The following PTPRS variants were observed in gnomAD, a reference collection of about 807,000 sequenced individuals.
PTPRS encodes protein tyrosine phosphatase receptor type S.
Under a neutral mutation model 215.3 loss-of-function variants are expected in PTPRS, and 63 were observed. That is an observed-to-expected ratio of 0.29 (90% CI 0.24 to 0.36). The LOEUF is 0.36. PTPRS is among the 10% of genes least tolerant of loss of function. The pLI is 1.00. For synonymous variants in PTPRS, 1,404 were observed against 1,191.4 expected, an observed-to-expected ratio of 1.18 and a Z score of -3.68; for missense variants, 2,258 against 2,825.8, an observed-to-expected ratio of 0.80 and a Z score of 4.56.
At chr19:5,211,250 T>G (rs2040850558) in intron 33 of PTPRS, among the ~76,000 whole-genome samples, 1 of 152,198 alleles carries the variant, frequency 6.6e-6, no homozygotes, top group Non-Finnish European at 1.5e-5. Context: ...AGCTGTTCTG[T>G]GTACTGTAGG....
intron 5 of PTPRS, 147 bp downstream of exon 5, chr19:5,264,861 C>T (rs1220212732): frequency 1.1e-6 from 1 of 875,466 alleles, no homozygotes; most frequent in African/African-American, 1.7e-5. Flanking sequence ...AGACATTTGC[C>T]CCCACTCCCC....
chr19:5,267,319 T>C (rs970412061), intron 4 of PTPRS, among the ~76,000 whole-genome samples: 1 of 152,016 alleles, frequency 6.6e-6, no homozygotes. Context: ...GGTGATGAGG[T>C]GAGCCAGCTA....
chr19:5,267,284 C>T (rs1010840722), intron 4 of PTPRS, among the ~76,000 whole-genome samples: 9 of 152,062 alleles, frequency 5.9e-5, no homozygotes, highest in African/African-American at 1.4e-4. Context: ...GCTCCCTGAG[C>T]GGTGGGAACA....
intron 4 of PTPRS, among the ~76,000 whole-genome samples, chr19:5,269,434 G>A (rs779056203): frequency 5.3e-5 from 8 of 152,106 alleles, no homozygotes; most frequent in Non-Finnish European, 1.2e-4. Flanking sequence ...CAGAGGAGGA[G>A]GAAGGCAGGG....
Position 5,257,883 on chromosome 19 carries a change from C to A in PTPRS, c.706+134G>T, listed in dbSNP as rs2045689174. 2.8e-6 allele frequency: 2 copies of A among 711,912 alleles called. No individual in the cohort carries two copies. Among genetic ancestry groups the A allele is most frequent in the South Asian group, 3.5e-5 (2 of 56,428 alleles). The allele number at this position is 711,912 out of a possible 1,614,324, so 44.1% of individuals were successfully genotyped here. On this transcript the variant is annotated intron_variant, in intron 8 of 37. Transcript: ENST00000262963. This position sits in a 1 kb window ranked among gnomAD's most constrained non-coding sequence, Gnocchi z 4.4. ...GAGGGACGCCGCCTCGGCCAAGGTC[C>A]CACCGCGACCGGGGAGGGGCCTTCC...
intron 2 of PTPRS, among the ~76,000 whole-genome samples, chr19:5,283,134 A>G (rs1339067971): frequency 6.6e-6 from 1 of 152,236 alleles, no homozygotes; most frequent in Non-Finnish European, 1.5e-5. Context: ...ATCCAGTGCC[A>G]GAGCTGGTGA....
chr19:5,320,237 G>A (rs1212673029), intron 1 of PTPRS, among the ~76,000 whole-genome samples: 3 of 152,166 alleles, frequency 2.0e-5, no homozygotes, highest in Non-Finnish European at 2.9e-5. Flanking sequence ...AAGCAGGGGC[G>A]GCAGCCAGTG....
At chr19:5,243,815 A>G in intron 11 of PTPRS, 86 bp downstream of exon 11, 1 of 1,239,784 alleles carries the variant, frequency 8.1e-7, no homozygotes, top group Non-Finnish European at 1.1e-6. Context: ...TGCATAACCC[A>G]CAAACCGCTC....
intron 1 of PTPRS, among the ~76,000 whole-genome samples, chr19:5,296,709 A>G (rs1478839501): frequency 1.7e-5 from 2 of 114,950 alleles, no homozygotes; most frequent in Admixed American, 8.7e-5. Flanking sequence ...AAGGGGAGAC[A>G]AAGAGGAGGG....
At position 5,240,317 on chromosome 19, in the gene PTPRS, A is replaced by G. The variant is rs1490005099; in HGVS notation, c.1586T>C (p.Met529Thr). Residue 529 changes from methionine to threonine, a missense_variant, in exon 12 of 38, where the codon ATG (methionine) becomes ACG (threonine). Met to Thr is a moderately conservative substitution (Grantham distance 81). Transcript: ENST00000262963. The stretch of plus-strand genomic sequence containing the variant: ...CGACCTGGCCTCGGCCCGCAGGTTC[A>G]TGGGCTGGCCCGGCACTGTGGGGGT... The part of the protein sequence containing the change: ...KTQQGVPGQP[M>T]NLRAEARSET... 2 of 1,603,272 alleles carry G rather than the reference A, an allele frequency of 1.2e-6. No homozygotes were observed. The highest frequency in any genetic ancestry group is 1.7e-5 in the Admixed American group (1 of 58,744).
At chr19:5,334,203 AT>A (rs2050419622) in intron 1 of PTPRS, among the ~76,000 whole-genome samples, 1 of 152,246 alleles carries the variant, frequency 6.6e-6, no homozygotes, top group African/African-American at 2.4e-5. Flanking sequence ...TGGCTGAGTC[AT>A]CCTGACATCT....
intron 9 of PTPRS, among the ~76,000 whole-genome samples, chr19:5,250,754 G>A (rs1039925394): frequency 3.3e-5 from 5 of 151,192 alleles, no homozygotes; most frequent in East Asian, 2.0e-4. Context: ...ACCAGGAGAC[G>A]ACCCCTCCCC....
At chr19:5,242,527 C>G (rs527699741) in intron 11 of PTPRS, among the ~76,000 whole-genome samples, 1 of 150,550 alleles carries the variant, frequency 6.6e-6, no homozygotes, top group East Asian at 2.0e-4. Context: ...GCCACCACGA[C>G]TGGCTAATTT....
At chr19:5,265,243 A>G (rs780062096) in intron 4 of PTPRS, 47 bp from the exon 5 acceptor site, 1 of 1,548,554 alleles carries the variant, frequency 6.5e-7, no homozygotes, top group African/African-American at 1.4e-5. Flanking sequence ...TGAGCACTGC[A>G]CAGCCACTCC....
At chr19:5,216,611 G>T in intron 26 of PTPRS, 109 bp downstream of exon 26, 1 of 965,782 alleles carries the variant, frequency 1.0e-6, no homozygotes, top group Non-Finnish European at 1.6e-6. Context: ...GGCAAAGGCC[G>T]GTGATGGGTG....
chr19:5,327,173 T>C (rs889705512), intron 1 of PTPRS, among the ~76,000 whole-genome samples: 2 of 152,140 alleles, frequency 1.3e-5, no homozygotes, highest in African/African-American at 4.8e-5. Context: ...CGCACTGCAG[T>C]GGGCACACTC....
intron 25 of PTPRS, among the ~76,000 whole-genome samples, chr19:5,217,363 G>T (rs1257964191): frequency 6.6e-6 from 1 of 152,146 alleles, no homozygotes; most frequent in African/African-American, 2.4e-5. Context: ...TTCTCATTTG[G>T]CTGAAAAACC....
chr19:5,318,878 C>T (rs2049950521), intron 1 of PTPRS, among the ~76,000 whole-genome samples: 1 of 152,162 alleles, frequency 6.6e-6, no homozygotes, highest in South Asian at 2.1e-4. Flanking sequence ...GCACCCTATT[C>T]CCCTTGAATT....
In PTPRS at chr19:5,206,609, G is replaced by C. The variant is rs1006696743; in HGVS notation, c.*165C>G. On this transcript the variant is annotated 3_prime_UTR_variant, in exon 38 of 38. Coordinates refer to ENST00000262963, the MANE Select transcript of PTPRS (RefSeq NM_002850.4). ...TCGCTGGGGCGGCCGGGGCCGGTGG[G>C]GGGGCTCGAGGGGCTGCGTCGTCCT... is the stretch of plus-strand genomic sequence containing the variant. The C allele has an allele frequency of 3.6e-5, 21 of 581,456 alleles. No homozygotes were observed. Among genetic ancestry groups the C allele is most frequent in the Admixed American group, 6.5e-5 (2 of 30,926 alleles). 36.0% of individuals were successfully genotyped at this position (581,456 alleles called of 1,614,324 possible).
Sources: gnomAD v4.1 joint callset for allele counts (sites outside exome capture counted in the v4.1 genomes callset) on GRCh38, gnomAD v4.1.1 for gene constraint, Gnocchi (gnomAD v3.1) non-coding constraint, MANE v1.5 for transcripts, NCBI Gene and HGNC (gene_info 2026-07-23, HGNC 2026-07-21) for gene names.